Variants in SPINK5 observed in about 807,000 individuals in gnomAD.
SPINK5 encodes the protein serine peptidase inhibitor Kazal type 5.
In SPINK5, 125 loss-of-function variants were observed where a neutral mutation model predicts 151.8. The observed-to-expected ratio is 0.82, with a 90% CI of 0.71 to 0.96. The LOEUF is 0.96. SPINK5 is among the 40% of genes least tolerant of loss of function. The probability of loss-of-function intolerance (pLI) is 0.00; values close to 1 mark genes in which losing one functional copy is unlikely to be tolerated. For missense variants in SPINK5, 1,194 were observed against 1,291.9 expected (o/e 0.92, Z 1.16); for synonymous variants, 374 against 395.3 (o/e 0.95, Z 0.64).
chr5:148,085,019 C>T (rs76939440), intron 4 of SPINK5, among the ~76,000 whole-genome samples: 2,600 of 151,798 alleles, frequency 0.017, 43 homozygotes, highest in South Asian at 0.095. Flanking sequence ...GGCAGCTTCA[C>T]AGTCCAGAAG....
chr5:148,134,854 AG>A (rs1347817187), intron 32 of SPINK5, among the ~76,000 whole-genome samples: 1 of 151,990 alleles, frequency 6.6e-6, no homozygotes. Flanking sequence ...TGCCACAAAA[AG>A]CTTTGGCAAT....
intron 26 of SPINK5, among the ~76,000 whole-genome samples, chr5:148,123,521 G>GTA (rs1159209367): frequency 0.035 from 872 of 24,920 alleles, 4 homozygotes; most frequent in South Asian, 0.14. Flanking sequence ...CAATATATGT[G>GTA]TATATATATA....
intron 4 of SPINK5, among the ~76,000 whole-genome samples, chr5:148,085,022 T>C (rs1202675741): frequency 6.6e-6 from 1 of 151,822 alleles, no homozygotes; most frequent in African/African-American, 2.4e-5. Flanking sequence ...AGCTTCACAG[T>C]CCAGAAGAGT....
At chr5:148,123,522 T>C (rs1004167235) in intron 26 of SPINK5, among the ~76,000 whole-genome samples, 2 of 7,880 alleles carry the variant, frequency 2.5e-4, no homozygotes, top group Admixed American at 1.4e-3. Context: ...AATATATGTG[T>C]ATATATATAT....
chr5:148,086,592 C>G, intron 5 of SPINK5, 60 bp downstream of exon 5: 2 of 1,589,716 alleles, frequency 1.3e-6, no homozygotes, highest in Non-Finnish European at 1.7e-6. Flanking sequence ...AATTACATGA[C>G]ACAATTTTCC....
chr5:148,134,170 TTTG>T, intron 32 of SPINK5: 1 of 436,862 alleles, frequency 2.3e-6, no homozygotes, highest in Non-Finnish European at 4.3e-6. Context: ...CAGGATAGGT[TTTG>T]TTTTCTGTGA....
intron 30 of SPINK5, among the ~76,000 whole-genome samples, chr5:148,131,027 C>A (rs561908177): frequency 6.6e-6 from 1 of 152,136 alleles, no homozygotes; most frequent in Non-Finnish European, 1.5e-5. Context: ...TATTGCTTTG[C>A]TACTCCTTGT....
At chr5:148,112,107 A>G (rs1435890385) in intron 19 of SPINK5, among the ~76,000 whole-genome samples, 4 of 152,222 alleles carry the variant, frequency 2.6e-5, no homozygotes, top group Non-Finnish European at 5.9e-5. Flanking sequence ...AATCACCATC[A>G]AGAAAGGACC....
intron 8 of SPINK5, among the ~76,000 whole-genome samples, chr5:148,091,930 A>G (rs779963768): frequency 4.6e-5 from 7 of 151,866 alleles, no homozygotes; most frequent in African/African-American, 1.2e-4. Flanking sequence ...CCTACTTTCA[A>G]TGAGAGGGAT....
intron 20 of SPINK5, among the ~76,000 whole-genome samples, chr5:148,114,145 G>T (rs1280561051): frequency 6.6e-6 from 1 of 152,020 alleles, no homozygotes; most frequent in Non-Finnish European, 1.5e-5. Flanking sequence ...ATGGTTGCAG[G>T]TTTAGTCTGG....
Position 148,120,082 on chromosome 5 carries a change from G to A in SPINK5, c.2387G>A (p.Arg796Gln), listed in dbSNP as rs779242910. Residue 796 changes from arginine to glutamine, a missense_variant, in exon 25 of 33, where the codon CGG becomes CAG. Coordinates refer to ENST00000256084, the MANE Select transcript of SPINK5 (RefSeq NM_006846.4). The part of the protein sequence containing the change: ...LICTRESDPV[R>Q]GPDGKTHGNK... ...TGCACTCGAGAAAGTGACCCTGTCC[G>A]GGGTCCAGATGGCAAGACACATGGC... 1.4e-5 allele frequency: 22 copies of A among 1,613,924 alleles called. No homozygotes were observed. Among genetic ancestry groups the A allele is most frequent in the South Asian group, 8.8e-5 (8 of 91,084 alleles).
At chr5:148,128,805 G>A (rs1754500775) in intron 30 of SPINK5, among the ~76,000 whole-genome samples, 1 of 152,198 alleles carries the variant, frequency 6.6e-6, no homozygotes, top group Non-Finnish European at 1.5e-5. Context: ...TTATAGGCGT[G>A]AGCCACCGCG....
chr5:148,101,592 T>C (rs1753645792), intron 14 of SPINK5, among the ~76,000 whole-genome samples, 156 bp downstream of exon 14: 1 of 152,200 alleles, frequency 6.6e-6, no homozygotes, highest in African/African-American at 2.4e-5. Flanking sequence ...CATGTGCATA[T>C]GTGACTATTT....
intron 11 of SPINK5, among the ~76,000 whole-genome samples, chr5:148,098,959 T>C (rs1181977506): frequency 6.6e-6 from 1 of 152,100 alleles, no homozygotes; most frequent in African/African-American, 2.4e-5. Context: ...ATCATGCTCC[T>C]TTTCTTACTA....
In SPINK5 at chr5:148,137,007, A is replaced by C; in HGVS notation, c.*16A>C. 3 of 1,613,686 alleles carry C rather than the reference A, an allele frequency of 1.9e-6. No homozygotes were observed. Among genetic ancestry groups the C allele is most frequent in the Non-Finnish European group, 2.5e-6 (3 of 1,179,660 alleles). ...GGACGAATGACAGGAAGATTGTTGA[A>C]AGCCATGAGGGAAAAAATAAACCCC... On this transcript the variant is annotated 3_prime_UTR_variant, in exon 33 of 33. Transcript: ENST00000256084.
At chr5:148,083,583 A>T (rs2113037273) in intron 4 of SPINK5, among the ~76,000 whole-genome samples, 1 of 151,564 alleles carries the variant, frequency 6.6e-6, no homozygotes, top group South Asian at 2.1e-4. Context: ...TCTATTGCTA[A>T]TATCTGTGTC....
intron 29 of SPINK5, among the ~76,000 whole-genome samples, chr5:148,126,196 C>T (rs1754426114): frequency 6.6e-6 from 1 of 151,998 alleles, no homozygotes; most frequent in Admixed American, 6.6e-5. Flanking sequence ...CAAATTTTTA[C>T]ACCCCAAAAT....
In SPINK5 at chr5:148,119,005, A is replaced by T. The variant is rs750789505; in HGVS notation, c.2260A>T (p.Lys754Ter). ...CTCCAGGGAAAGAGAAGCAGAGAGAAAAAATGAGTATTCTCGCTCCAGATC... is the reference window on the plus strand; with the variant it reads ...CTCCAGGGAAAGAGAAGCAGAGAGATAAAATGAGTATTCTCGCTCCAGATC... ...KAKLEREAERKNEYSRSRSNG... is the reference protein window; with the variant it reads ...KAKLEREAER The change falls in exon 24 of 33, where the codon AAA becomes TAA. Residue 754 changes from lysine (K) to a stop codon, truncating the protein, a stop_gained. Transcript: ENST00000256084. LOFTEE classifies it high-confidence loss of function. 4.3e-6 allele frequency: 7 copies of T among 1,614,082 alleles called. No individual in the cohort carries two copies. In the East Asian group the frequency reaches 1.6e-4, roughly 36 times the overall value.
rs2113076241 is a variant in SPINK5 at position 148,091,223 on chromosome 5, G to A, written c.661G>A (p.Glu221Lys). Residue 221 changes from glutamate (E) to lysine (K), a missense_variant, in exon 8 of 33, where the codon GAA becomes AAA. Glu to Lys is a moderately conservative substitution (Grantham distance 56). Transcript: ENST00000256084. Reference sequence around the variant, plus strand: ...TGAAACTAGAATTCGACGAAATGCTGAAAAGGTAAAATGACTCACCAACGC... The same window carrying A: ...TGAAACTAGAATTCGACGAAATGCTAAAAAGGTAAAATGACTCACCAACGC... ...EGETRIRRNA[E>K]KDFCKEYEKQ... 1 of 1,611,096 alleles carries A rather than the reference G, an allele frequency of 6.2e-7. No individual in the cohort carries two copies. Among genetic ancestry groups the A allele is most frequent in the African/African-American group, 1.3e-5 (1 of 74,794 alleles).
Sources: gnomAD v4.1 joint callset for allele counts (sites outside exome capture counted in the v4.1 genomes callset) on GRCh38, gnomAD v4.1.1 for gene constraint, MANE v1.5 for transcripts, NCBI Gene and HGNC (gene_info 2026-07-23, HGNC 2026-07-21) for gene names.